The following ZHX3 variants were observed in gnomAD, a reference collection of about 807,000 sequenced individuals.
The protein encoded by ZHX3 is zinc fingers and homeoboxes protein 3.
Under a neutral mutation model 64.5 loss-of-function variants are expected in ZHX3, and 20 were observed. The observed-to-expected ratio is 0.31, with a 90% confidence interval of 0.22 to 0.45. The LOEUF is 0.45. ZHX3 is among the 20% of genes least tolerant of loss of function. ZHX3 has a pLI of 1.00. For synonymous variants in ZHX3, 423 were observed against 461.6 expected (o/e 0.92, Z 1.07); for missense variants, 1,041 against 1,195.8 (o/e 0.87, Z 1.91).
chr20:41,229,415 C>T (rs765303846), intron 2 of ZHX3, among the ~76,000 whole-genome samples: 3 of 152,090 alleles, frequency 2.0e-5, no homozygotes, highest in Non-Finnish European at 2.9e-5. Context: ...TGGGTAACTA[C>T]CCAGAAGTGG....
intron 3 of ZHX3, among the ~76,000 whole-genome samples, chr20:41,190,986 G>A (rs1363024915): frequency 6.6e-6 from 1 of 152,176 alleles, no homozygotes; most frequent in Non-Finnish European, 1.5e-5. Context: ...TAGAGAGTCT[G>A]ACTATAATGT....
At chr20:41,249,759 T>C (rs1889096521) in intron 2 of ZHX3, among the ~76,000 whole-genome samples, 1 of 152,182 alleles carries the variant, frequency 6.6e-6, no homozygotes, top group Non-Finnish European at 1.5e-5. Flanking sequence ...TAAGCACAAC[T>C]GTAAATCCTG....
intron 2 of ZHX3, among the ~76,000 whole-genome samples, chr20:41,230,918 C>T (rs1420854921): frequency 6.6e-6 from 1 of 152,178 alleles, no homozygotes; most frequent in African/African-American, 2.4e-5. Flanking sequence ...TCTTGGTGTA[C>T]ATTCTATGGG....
intron 1 of ZHX3, among the ~76,000 whole-genome samples, chr20:41,291,508 A>G (rs1206371367): frequency 1.3e-5 from 2 of 152,166 alleles, no homozygotes; most frequent in Non-Finnish European, 2.9e-5. Flanking sequence ...CTTTGTTAAT[A>G]ATTCAGCAAG....
At chr20:41,190,048 T>C (rs1359299364) in intron 3 of ZHX3, among the ~76,000 whole-genome samples, 1 of 152,224 alleles carries the variant, frequency 6.6e-6, no homozygotes, top group Non-Finnish European at 1.5e-5. Flanking sequence ...TATCAAATGC[T>C]TTTTCTGTTT....
chr20:41,227,715 C>CT (rs1432801804), intron 2 of ZHX3, among the ~76,000 whole-genome samples: 1 of 152,010 alleles, frequency 6.6e-6, no homozygotes, highest in Non-Finnish European at 1.5e-5. Flanking sequence ...GGTAAAAGTT[C>CT]TATTTATCTG....
chr20:41,262,424 C>A (rs1173724837), intron 2 of ZHX3, among the ~76,000 whole-genome samples: 1 of 152,184 alleles, frequency 6.6e-6, no homozygotes, highest in Non-Finnish European at 1.5e-5. Flanking sequence ...GGGTGATGTA[C>A]CTGTGCACCT....
intron 2 of ZHX3, among the ~76,000 whole-genome samples, chr20:41,257,613 T>C (rs1052187243): frequency 3.1e-4 from 42 of 137,490 alleles, no homozygotes; most frequent in African/African-American, 1.0e-3. Context: ...CTTTTCTTTC[T>C]TTTTTTTTTT....
chr20:41,203,731 C>T lies in ZHX3; in HGVS notation c.1186G>A (p.Val396Ile), dbSNP rs148444276. Residue 396 changes from valine to isoleucine, a missense_variant, in exon 3 of 4, where the codon GTC (valine) becomes ATC (isoleucine). Physicochemically the swap from Val to Ile is conservative, Grantham distance 29. This residue lies in a region of ZHX3 where 649 missense variants were observed against 739.8 expected (regional missense o/e 0.88). Transcript: ENST00000683867. This position sits in a 1 kb window ranked among gnomAD's most constrained non-coding sequence, Gnocchi z 7.1. ...PTITVLNTPL[V>I]ASAGNVQHLI... is the part of the protein sequence containing the mutation. Reference sequence around the variant, plus strand: ...TGCTGGACATTGCCAGCACTGGCGACGAGTGGGGTATTTAGAACCGTAATT... The same window carrying T: ...TGCTGGACATTGCCAGCACTGGCGATGAGTGGGGTATTTAGAACCGTAATT... 1,231 of 1,614,172 alleles carry T rather than the reference C, an allele frequency of 7.6e-4. 8 individuals are homozygous for T. The African/African-American group carries it at 0.012, about 16-fold the overall frequency.
At chr20:41,213,722 T>C (rs2039325238) in intron 2 of ZHX3, 1 of 152,240 alleles carries the variant, frequency 6.6e-6, no homozygotes, top group South Asian at 2.1e-4. Context: ...GTGTTCCTGG[T>C]ATTTTACTTA....
chr20:41,276,895 T>C (rs1268543115), intron 1 of ZHX3, among the ~76,000 whole-genome samples: 1 of 152,236 alleles, frequency 6.6e-6, no homozygotes, highest in African/African-American at 2.4e-5. Flanking sequence ...AAAATTGTGA[T>C]ATTCACACAA....
At chr20:41,197,719 C>G (rs989961598) in intron 3 of ZHX3, among the ~76,000 whole-genome samples, 1 of 151,860 alleles carries the variant, frequency 6.6e-6, no homozygotes, top group Admixed American at 6.6e-5. Flanking sequence ...TTTAATATGT[C>G]TTATATGTTT....
intron 1 of ZHX3, among the ~76,000 whole-genome samples, chr20:41,313,593 CTTTTTT>C (rs58599783): frequency 1.9e-5 from 2 of 103,782 alleles, no homozygotes; most frequent in South Asian, 3.6e-4. Flanking sequence ...ACTTTTAGGC[CTTTTTT>C]TTTTTTTTTT....
At chr20:41,256,299 C>T (rs998063637) in intron 2 of ZHX3, among the ~76,000 whole-genome samples, 1 of 152,018 alleles carries the variant, frequency 6.6e-6, no homozygotes, top group African/African-American at 2.4e-5. Flanking sequence ...AATACAGTGC[C>T]TGGCATATAA....
intron 1 of ZHX3, among the ~76,000 whole-genome samples, chr20:41,308,135 C>T (rs2045033153): frequency 1.3e-5 from 2 of 152,184 alleles, no homozygotes. Flanking sequence ...GTTGAGTATT[C>T]CTCAGCTTTA....
chr20:41,196,284 TATAA>T (rs1184460204), intron 3 of ZHX3, among the ~76,000 whole-genome samples: 3 of 124,552 alleles, frequency 2.4e-5, no homozygotes, highest in Non-Finnish European at 4.8e-5. Context: ...ATATAATATA[TATAA>T]ATAAATATAT....
intron 3 of ZHX3, chr20:41,188,293 G>A (rs1443897890): frequency 6.6e-6 from 1 of 151,832 alleles, no homozygotes; most frequent in Non-Finnish European, 1.5e-5. Context: ...GTTTTGATTT[G>A]TATTTCCCTT....
At chr20:41,190,107 A>C (rs2036882794) in intron 3 of ZHX3, among the ~76,000 whole-genome samples, 1 of 152,094 alleles carries the variant, frequency 6.6e-6, no homozygotes, top group African/African-American at 2.4e-5. Flanking sequence ...GATGTGATGT[A>C]TTGCATTAAC....
intron 1 of ZHX3, among the ~76,000 whole-genome samples, chr20:41,298,417 C>T (rs964452086): frequency 6.6e-6 from 1 of 152,146 alleles, no homozygotes. Context: ...TATAATCAGA[C>T]CAAACTGAAG....
Sources: allele counts gnomAD v4.1 joint callset (sites outside exome capture counted in the v4.1 genomes callset), GRCh38; gene constraint gnomAD v4.1.1; regional missense constraint gnomAD v4.1.1; non-coding constraint Gnocchi (gnomAD v3.1); transcripts MANE v1.5; gene names NCBI Gene and HGNC (gene_info 2026-07-23, HGNC 2026-07-21).